KCNB2: variants seen among roughly 807,000 people sequenced by gnomAD.
The protein encoded by KCNB2 is potassium voltage-gated channel subfamily B member 2.
Under a neutral mutation model 61.5 loss-of-function variants are expected in KCNB2, and 15 were observed. The ratio of observed to expected loss-of-function variants is 0.24; its 90% CI spans 0.16 to 0.38. The LOEUF (loss-of-function observed/expected upper bound fraction) is 0.38, where lower values mean the gene tolerates loss of function less well. Ranked by LOEUF, KCNB2 falls within the 10% of genes least tolerant of loss-of-function variation. The pLI, the probability that KCNB2 is intolerant of heterozygous loss-of-function variation, is 1.00. For synonymous variants in KCNB2, 457 were observed against 446.0 expected (o/e 1.02, Z -0.31); for missense variants, 828 against 1,125.2 (o/e 0.74, Z 3.78).
intron 2 of KCNB2, among the ~76,000 whole-genome samples, chr8:72,810,193 C>T (rs1321382960): frequency 6.6e-6 from 1 of 152,154 alleles, no homozygotes; most frequent in African/African-American, 2.4e-5. Context: ...AAGGAACTTA[C>T]CGCAGAGGGT....
intron 2 of KCNB2, among the ~76,000 whole-genome samples, chr8:72,708,077 C>T (rs751579251): frequency 1.3e-5 from 2 of 152,150 alleles, no homozygotes; most frequent in Admixed American, 6.5e-5. Context: ...AATGTGACAC[C>T]ATAGCCCACT....
At chr8:72,632,351 G>C (rs375629852) in intron 2 of KCNB2, among the ~76,000 whole-genome samples, 1 of 152,248 alleles carries the variant, frequency 6.6e-6, no homozygotes, top group African/African-American at 2.4e-5. Flanking sequence ...AAATAAATTT[G>C]TATTGGCACA....
chr8:72,796,480 A>T (rs1379287974), intron 2 of KCNB2, among the ~76,000 whole-genome samples: 1 of 152,208 alleles, frequency 6.6e-6, no homozygotes, highest in African/African-American at 2.4e-5. Flanking sequence ...AATTTATTTT[A>T]TCATTATTTC....
chr8:72,545,494 C>A (rs943880342), intron 1 of KCNB2, among the ~76,000 whole-genome samples: 7 of 152,092 alleles, frequency 4.6e-5, no homozygotes, highest in Admixed American at 4.6e-4. Context: ...TGGGGCACCA[C>A]GAGTTGTGCC....
chr8:72,568,103 T>C lies in KCNB2; in HGVS notation c.369T>C (p.Leu123=). ...EMCALSFGQE[L]DYWGIDEIYL... ...GTGCACTTTCGTTTGGCCAAGAACT[T>C]GATTACTGGGGGATTGATGAGATCT... is the stretch of plus-strand genomic sequence containing the variant. The change falls in exon 2 of 3, where the codon CTT becomes CTC. Residue 123 remains leucine (L), a synonymous_variant. Coordinates refer to ENST00000523207, the MANE Select transcript of KCNB2 (RefSeq NM_004770.3). 1 of 1,613,978 alleles carries C rather than the reference T, an allele frequency of 6.2e-7. No individual in the cohort carries two copies. The highest frequency in any genetic ancestry group is 8.5e-7 in the Non-Finnish European group (1 of 1,179,986).
chr8:72,627,825 G>A, intron 2 of KCNB2, among the ~76,000 whole-genome samples: 1 of 152,004 alleles, frequency 6.6e-6, no homozygotes, highest in Non-Finnish European at 1.5e-5. Flanking sequence ...CAAACTCCAG[G>A]TCTGTTTTCA....
intron 2 of KCNB2, among the ~76,000 whole-genome samples, chr8:72,892,969 C>A (rs561345360): frequency 6.6e-6 from 1 of 151,894 alleles, no homozygotes; most frequent in Non-Finnish European, 1.5e-5. Flanking sequence ...GCTGATCAAC[C>A]CTTGGGAATA....
intron 2 of KCNB2, among the ~76,000 whole-genome samples, chr8:72,839,356 C>A (rs1809837096): frequency 6.6e-6 from 1 of 152,134 alleles, no homozygotes; most frequent in Non-Finnish European, 1.5e-5. Flanking sequence ...TCCATTCAGC[C>A]AATATCTTTT....
chr8:72,818,357 A>G (rs1809439143), intron 2 of KCNB2, among the ~76,000 whole-genome samples: 2 of 152,176 alleles, frequency 1.3e-5, no homozygotes, highest in African/African-American at 4.8e-5. Flanking sequence ...GTACCTTAGG[A>G]GAGAACTTGA....
intron 2 of KCNB2, among the ~76,000 whole-genome samples, chr8:72,740,689 T>G (rs1438012409): frequency 6.6e-6 from 1 of 152,186 alleles, no homozygotes; most frequent in Non-Finnish European, 1.5e-5. Flanking sequence ...TTTGAATGCT[T>G]TAGTCTGAAT....
chr8:72,869,212 G>T (rs1207282615), intron 2 of KCNB2, among the ~76,000 whole-genome samples: 2 of 152,216 alleles, frequency 1.3e-5, no homozygotes, highest in Non-Finnish European at 2.9e-5. Context: ...TTGAGAGGCA[G>T]AGAAAAGTAG....
At chr8:72,800,533 G>A (rs1197643229) in intron 2 of KCNB2, among the ~76,000 whole-genome samples, 1 of 152,018 alleles carries the variant, frequency 6.6e-6, no homozygotes, top group African/African-American at 2.4e-5. Context: ...CCCCAATGAG[G>A]CCAATAGCTC....
intron 2 of KCNB2, among the ~76,000 whole-genome samples, chr8:72,897,481 C>T (rs946678495): frequency 6.6e-6 from 1 of 152,080 alleles, no homozygotes; most frequent in African/African-American, 2.4e-5. Context: ...TTTCAATGCC[C>T]TCTCCTTGTT....
chr8:72,758,626 C>T (rs755531900), intron 2 of KCNB2, among the ~76,000 whole-genome samples: 1 of 152,170 alleles, frequency 6.6e-6, no homozygotes, highest in Admixed American at 6.5e-5. Flanking sequence ...ACACAAACCT[C>T]TGAGTCTTCA....
chr8:72,908,096 A>T (rs542178558), intron 2 of KCNB2, among the ~76,000 whole-genome samples: 1 of 151,584 alleles, frequency 6.6e-6, no homozygotes, highest in Admixed American at 6.6e-5. Context: ...TTTCTTGGGT[A>T]TTTTTTTTCA....
intron 2 of KCNB2, among the ~76,000 whole-genome samples, chr8:72,758,287 C>G (rs1808323793): frequency 6.6e-6 from 1 of 152,154 alleles, no homozygotes; most frequent in African/African-American, 2.4e-5. Flanking sequence ...GGCATTAGTC[C>G]TCATGGTTGA....
At chr8:72,669,688 A>G (rs1339908709) in intron 2 of KCNB2, among the ~76,000 whole-genome samples, 4 of 152,252 alleles carry the variant, frequency 2.6e-5, no homozygotes, top group Non-Finnish European at 5.9e-5. Context: ...AGTAAAGCAG[A>G]GTTGTAAAAA....
chr8:72,921,246 T>G (rs923589112), intron 2 of KCNB2, among the ~76,000 whole-genome samples: 1 of 152,136 alleles, frequency 6.6e-6, no homozygotes, highest in Non-Finnish European at 1.5e-5. Context: ...CTGTTTACCC[T>G]TTCTTATGTT....
intron 2 of KCNB2, among the ~76,000 whole-genome samples, chr8:72,714,064 T>C (rs1479090490): frequency 6.6e-6 from 1 of 152,084 alleles, no homozygotes; most frequent in Non-Finnish European, 1.5e-5. Flanking sequence ...GTATCAGCAA[T>C]GGAAGACGAA....
Sources: allele counts gnomAD v4.1 joint callset (sites outside exome capture counted in the v4.1 genomes callset), GRCh38; gene constraint gnomAD v4.1.1; transcripts MANE v1.5; gene names NCBI Gene and HGNC (gene_info 2026-07-23, HGNC 2026-07-21).